SGCD: variants seen among roughly 807,000 people sequenced by gnomAD.
SGCD encodes delta-sarcoglycan.
A neutral mutation model predicts 36.6 loss-of-function variants in SGCD; 18 were observed. That is an observed-to-expected ratio of 0.49 (90% CI 0.34 to 0.73). SGCD has a LOEUF of 0.73. Ranked by LOEUF, SGCD falls within the 30% of genes least tolerant of loss-of-function variation. SGCD has a pLI of 0.01. For synonymous variants in SGCD, 133 were observed against 130.6 expected, an observed-to-expected ratio of 1.02 and a Z score of -0.12; for missense variants, 387 against 346.7, an observed-to-expected ratio of 1.12 and a Z score of -0.92.
chr5:156,559,792 C>G (rs935086638), intron 4 of SGCD, among the ~76,000 whole-genome samples: 1 of 152,186 alleles, frequency 6.6e-6, no homozygotes. Context: ...TGTTAGAAAA[C>G]TGTGCCTGCG....
At chr5:155,889,849 C>A (rs1239277229) in intron 1 of SGCD, among the ~76,000 whole-genome samples, 1 of 152,164 alleles carries the variant, frequency 6.6e-6, no homozygotes, top group East Asian at 1.9e-4. Context: ...TTGTGGGCAC[C>A]CGCCCTATTC....
chr5:156,070,901 T>C (rs1237821136), intron 1 of SGCD, among the ~76,000 whole-genome samples: 1 of 152,218 alleles, frequency 6.6e-6, no homozygotes, highest in African/African-American at 2.4e-5. Flanking sequence ...TCTTCTAGAT[T>C]TTCTAGTTTA....
chr5:156,444,813 G>T (rs1007967504), intron 3 of SGCD, among the ~76,000 whole-genome samples: 1 of 152,094 alleles, frequency 6.6e-6, no homozygotes, highest in African/African-American at 2.4e-5. Context: ...TTAAAAAAAT[G>T]TTAGAGAAAG....
At chr5:155,738,659 A>T in the SGCD span, among the ~76,000 whole-genome samples, 6 of 150,726 alleles carry the variant, frequency 4.0e-5, no homozygotes, top group Non-Finnish European at 8.9e-5. Context: ...TGTGTGAGAG[A>T]GTGTGTGTGT....
intron 3 of SGCD, among the ~76,000 whole-genome samples, chr5:156,448,104 C>T (rs77073631): frequency 1.7e-3 from 256 of 152,248 alleles, no homozygotes; most frequent in Admixed American, 3.0e-3. Context: ...TACCATTGTA[C>T]TACATCCTCC....
rs1209200189 is a variant in SGCD at position 156,764,461 on chromosome 5, G to A, written c.*5071G>A. The A allele has an allele frequency of 6.6e-6, 1 of 152,584 alleles. No homozygotes were observed. The highest frequency in any genetic ancestry group is 1.5e-5 in the Non-Finnish European group (1 of 68,028). The allele number at this position is 152,584 out of a possible 1,614,324, so 9.5% of individuals were successfully genotyped here. A position where few individuals can be genotyped will look rare whatever the true frequency, so the allele number is the denominator to read the frequency against. ...ACACGCTCGCACTTTCAAAAGCAATGTGATTTCTATGGTTCTTAAAAGCTT... is the reference window on the plus strand; with the variant it reads ...ACACGCTCGCACTTTCAAAAGCAATATGATTTCTATGGTTCTTAAAAGCTT... On this transcript the variant is annotated 3_prime_UTR_variant, in exon 9 of 9. Coordinates refer to ENST00000337851, the MANE Select transcript of SGCD (RefSeq NM_000337.6).
intron 4 of SGCD, among the ~76,000 whole-genome samples, chr5:156,568,475 T>A (rs1759586440): frequency 6.6e-6 from 1 of 152,196 alleles, no homozygotes. Flanking sequence ...CTGCAGAATG[T>A]AACCGACGGC....
chr5:156,441,620 ACCT>A (rs1290987155), intron 3 of SGCD, among the ~76,000 whole-genome samples: 2 of 152,016 alleles, frequency 1.3e-5, no homozygotes, highest in African/African-American at 4.8e-5. Flanking sequence ...GCACAGATAA[ACCT>A]CCTTTATTTT....
At chr5:156,390,812 T>G (rs991674362) in intron 3 of SGCD, among the ~76,000 whole-genome samples, 2 of 152,174 alleles carry the variant, frequency 1.3e-5, no homozygotes, top group Non-Finnish European at 2.9e-5. Flanking sequence ...AGAAAATATT[T>G]GTGTACAGCT....
chr5:155,847,248 T>C, the SGCD span, among the ~76,000 whole-genome samples: 3 of 152,178 alleles, frequency 2.0e-5, no homozygotes, highest in Non-Finnish European at 4.4e-5. Context: ...TATCTTCCTT[T>C]TACAGATGAG....
At chr5:156,272,082 T>A (rs1766195269) in intron 3 of SGCD, among the ~76,000 whole-genome samples, 1 of 152,180 alleles carries the variant, frequency 6.6e-6, no homozygotes, top group Admixed American at 6.6e-5. Context: ...AGTTCCTTAG[T>A]GGTGATTTCT....
chr5:155,835,002 A>ATTTTTCTTTTTTTTTTTTTTTTT, the SGCD span, among the ~76,000 whole-genome samples: 1 of 60,184 alleles, frequency 1.7e-5, no homozygotes, highest in Non-Finnish European at 3.1e-5. Context: ...TGCCCAGCTA[A>ATTTTTCTTTTTTTTTTTTTTTTT]TTTTTTTTTT....
At chr5:156,536,397 C>T (rs937028661) in intron 4 of SGCD, among the ~76,000 whole-genome samples, 7 of 152,124 alleles carry the variant, frequency 4.6e-5, no homozygotes, top group African/African-American at 1.4e-4. Context: ...AGGGCAGCCC[C>T]CATTGTGAAC....
In SGCD at chr5:156,418,413, A is replaced by C. The variant is rs568804201; in HGVS notation, c.192+73736A>C. ...GGTCCCAGGTGGCTCCAGCAGCCAC[A>C]GAGCAGGAAGTATTACCAGCATTAT... On this transcript the variant is annotated intron_variant, in intron 3 of 8. Transcript: ENST00000337851. Among the ~76,000 whole-genome samples, 16 of 152,316 alleles carry C rather than the reference A, an allele frequency of 1.1e-4. No homozygotes were observed. The South Asian group carries it at 2.5e-3, about 24-fold the overall frequency.
intron 3 of SGCD, among the ~76,000 whole-genome samples, chr5:156,197,285 T>G (rs1339648006): frequency 1.3e-5 from 2 of 152,180 alleles, no homozygotes; most frequent in Non-Finnish European, 2.9e-5. Context: ...CACTGCCACT[T>G]GCAGTGAATG....
chr5:156,389,042 T>C (rs1423547824), intron 3 of SGCD, among the ~76,000 whole-genome samples: 2 of 152,198 alleles, frequency 1.3e-5, no homozygotes, highest in Admixed American at 1.3e-4. Flanking sequence ...ACAGGACTTA[T>C]ACATTGCCTC....
chr5:156,475,181 A>G (rs1755127204), intron 3 of SGCD, among the ~76,000 whole-genome samples: 1 of 152,176 alleles, frequency 6.6e-6, no homozygotes, highest in African/African-American at 2.4e-5. Context: ...AATAACTGTA[A>G]GTTAGCCATT....
At chr5:155,728,134 G>A in the SGCD span, among the ~76,000 whole-genome samples, 1 of 152,140 alleles carries the variant, frequency 6.6e-6, no homozygotes, top group South Asian at 2.1e-4. Flanking sequence ...GCCTCTCGGC[G>A]GCTTCCCCTC....
chr5:156,493,469 T>C (rs1581072798), intron 3 of SGCD, among the ~76,000 whole-genome samples: 1 of 152,284 alleles, frequency 6.6e-6, no homozygotes, highest in East Asian at 1.9e-4. Context: ...ATCATTATGA[T>C]TGGGTTCCCT....
Sources: allele counts gnomAD v4.1 joint callset (sites outside exome capture counted in the v4.1 genomes callset), GRCh38; gene constraint gnomAD v4.1.1; transcripts MANE v1.5; gene names NCBI Gene and HGNC (gene_info 2026-07-23, HGNC 2026-07-21).